The following ENO4 variants were observed in gnomAD, a reference collection of about 807,000 sequenced individuals.
ENO4 encodes enolase 4, also known as 2-phospho-D-glycerate hydro-lyase.
Under a neutral mutation model 63.2 loss-of-function variants are expected in ENO4, and 53 were observed. The observed-to-expected ratio is 0.84, with a 90% CI of 0.67 to 1.05. ENO4 has a LOEUF of 1.05. ENO4 is among the 50% of genes least tolerant of loss of function. The pLI, the probability that ENO4 is intolerant of heterozygous loss-of-function variation, is 0.00. For missense variants in ENO4, 719 were observed against 772.0 expected (o/e 0.93, Z 0.81); for synonymous variants, 266 against 283.8 (o/e 0.94, Z 0.63).
intron 8 of ENO4, among the ~76,000 whole-genome samples, chr10:116,869,444 C>T (rs1185892420): frequency 3.3e-5 from 5 of 152,008 alleles, no homozygotes; most frequent in African/African-American, 1.2e-4. Flanking sequence ...ATGTTAGGTA[C>T]ATGAGAGTCA....
At chr10:116,908,864 T>C (rs1276174207) in intron 10 of ENO4, among the ~76,000 whole-genome samples, 2 of 152,198 alleles carry the variant, frequency 1.3e-5, no homozygotes, top group African/African-American at 4.8e-5. Flanking sequence ...TTTTAACCCT[T>C]GAATCCCCAA....
chr10:116,849,645 T>C lies in ENO4; in HGVS notation c.79T>C (p.Tyr27His). The C allele has an allele frequency of 6.5e-7, 1 of 1,550,302 alleles. No individual in the cohort carries two copies. Among genetic ancestry groups the C allele is most frequent in the Non-Finnish European group, 8.7e-7 (1 of 1,146,854 alleles). Residue 27 changes from tyrosine (Y) to histidine (H), a missense_variant, in exon 1 of 14, where the codon TAC becomes CAC. Tyr to His is a moderately conservative substitution (Grantham distance 83, BLOSUM62 2). Around this residue, in one of 3 missense-constraint regions of ENO4, gnomAD observed 544 missense variants for 583.6 expected, o/e 0.93. Transcript: ENST00000341276. ...GCTGAAGCAGCAGGCGATGGAGTAC[T>C]ACCGGGAGAACGACGTTCCGCGCAG... ...QKLKQQAMEY[Y>H]RENDVPRRLE...
At chr10:116,893,952 A>G (rs1043877352) in intron 10 of ENO4, among the ~76,000 whole-genome samples, 4 of 152,246 alleles carry the variant, frequency 2.6e-5, no homozygotes, top group Non-Finnish European at 5.9e-5. Context: ...CAGTAAATTA[A>G]AAAGCAGTAC....
rs1846826325 is a variant in ENO4 at position 116,876,083 on chromosome 10, A to G, written c.1360A>G (p.Ser454Gly). Residue 454 changes from serine (S) to glycine (G), a missense_variant, in exon 11 of 14, where the codon AGC (serine) becomes GGC (glycine). Ser to Gly is a moderately conservative substitution (Grantham distance 56). Around this residue, in one of 3 missense-constraint regions of ENO4, gnomAD observed 544 missense variants for 583.6 expected, o/e 0.93. Coordinates refer to ENST00000341276, the MANE Select transcript of ENO4 (RefSeq NM_001242699.2). ...TACCCAGGACTCTGAACAGTGGGAC[A>G]GCATCTATCACGCACTTGGTTCCAG... is the stretch of plus-strand genomic sequence containing the variant. ...FRKEDSEQWD[S>G]IYHALGSRCY... 1 of 1,547,476 alleles carries G rather than the reference A, an allele frequency of 6.5e-7. No individual in the cohort carries two copies. The highest frequency in any genetic ancestry group is 1.2e-5 in the South Asian group (1 of 83,166).
chr10:116,911,068 C>G (rs999294520), intron 10 of ENO4, among the ~76,000 whole-genome samples: 1 of 152,158 alleles, frequency 6.6e-6, no homozygotes, highest in African/African-American at 2.4e-5. Context: ...ACTTACTGTG[C>G]ATAATAACTG....
chr10:116,904,420 G>C (rs981858607), intron 10 of ENO4, among the ~76,000 whole-genome samples: 2 of 150,632 alleles, frequency 1.3e-5, no homozygotes, highest in African/African-American at 2.4e-5. Flanking sequence ...GTAAGAGTTT[G>C]TAAGTTTGTT....
intron 7 of ENO4, among the ~76,000 whole-genome samples, chr10:116,863,824 G>A (rs1846482783): frequency 6.6e-6 from 1 of 152,314 alleles, no homozygotes; most frequent in East Asian, 1.9e-4. Context: ...GCAATTCCAG[G>A]CTGGAGCTGG....
At chr10:116,899,898 G>C (rs542249099) in intron 10 of ENO4, among the ~76,000 whole-genome samples, 1 of 152,332 alleles carries the variant, frequency 6.6e-6, no homozygotes, top group Admixed American at 6.5e-5. Context: ...ATTCCTGGAA[G>C]CTAGGCCAGT....
chr10:116,901,948 C>G (rs919142769), intron 10 of ENO4: 9 of 1,595,630 alleles, frequency 5.6e-6, no homozygotes, highest in Non-Finnish European at 6.8e-6. Context: ...GGCTAATATC[C>G]CAGTTGGACC....
intron 1 of ENO4, among the ~76,000 whole-genome samples, chr10:116,853,764 C>G (rs148246128): frequency 6.6e-4 from 101 of 152,280 alleles, no homozygotes; most frequent in African/African-American, 2.2e-3. Flanking sequence ...TTTAAAGAAT[C>G]CACGGATAGC....
At chr10:116,891,536 A>T (rs193160551) in intron 10 of ENO4, among the ~76,000 whole-genome samples, 109 of 152,364 alleles carry the variant, frequency 7.2e-4, no homozygotes, top group African/African-American at 2.3e-3. Flanking sequence ...ATTTGTCTTT[A>T]TAAAGTCGTT....
intron 10 of ENO4, among the ~76,000 whole-genome samples, chr10:116,897,608 G>A (rs937966176): frequency 6.6e-6 from 1 of 152,188 alleles, no homozygotes; most frequent in South Asian, 2.1e-4. Context: ...CAATATAATT[G>A]TAAGATAAGA....
At chr10:116,889,238 G>A (rs912700387) in intron 10 of ENO4, among the ~76,000 whole-genome samples, 8 of 152,202 alleles carry the variant, frequency 5.3e-5, no homozygotes, top group African/African-American at 1.9e-4. Flanking sequence ...GGGCTCCACA[G>A]CAGCAATACA....
intron 1 of ENO4, among the ~76,000 whole-genome samples, chr10:116,850,689 C>G (rs1846053051): frequency 6.6e-6 from 1 of 152,064 alleles, no homozygotes; most frequent in Non-Finnish European, 1.5e-5. Flanking sequence ...ATGACTTTTT[C>G]CCACTCATGG....
chr10:116,884,920 CAGTT>C (rs1164733477), downstream of ENO4: 1 of 152,172 alleles, frequency 6.6e-6, no homozygotes, highest in Non-Finnish European at 1.5e-5. Context: ...CAGTATTATC[CAGTT>C]AAAGAAAGAT....
At chr10:116,888,416 G>C (rs553615492) in intron 10 of ENO4, among the ~76,000 whole-genome samples, 1 of 152,196 alleles carries the variant, frequency 6.6e-6, no homozygotes, top group Non-Finnish European at 1.5e-5. Context: ...GGGAATGAGA[G>C]GCACTAGTCA....
intron 10 of ENO4, among the ~76,000 whole-genome samples, chr10:116,904,619 A>T (rs1847887827): frequency 6.6e-6 from 1 of 152,192 alleles, no homozygotes; most frequent in South Asian, 2.1e-4. Flanking sequence ...AAAATAATAC[A>T]AATATTTGTA....
intron 10 of ENO4, among the ~76,000 whole-genome samples, chr10:116,889,375 T>C (rs1005961742): frequency 7.2e-5 from 11 of 152,228 alleles, no homozygotes; most frequent in African/African-American, 2.4e-4. Context: ...GATTAATCTA[T>C]TATTAAGTCA....
At chr10:116,883,053 A>C (rs2133289442), downstream of ENO4, 1 of 152,250 alleles carries the variant, frequency 6.6e-6, no homozygotes, top group South Asian at 2.1e-4. Flanking sequence ...AATTACTAAA[A>C]CCAGAGCAAA....
Sources: allele counts gnomAD v4.1 joint callset (sites outside exome capture counted in the v4.1 genomes callset), GRCh38; gene constraint gnomAD v4.1.1; regional missense constraint gnomAD v4.1.1; transcripts MANE v1.5; gene names NCBI Gene and HGNC (gene_info 2026-07-23, HGNC 2026-07-21).